Variants in ADCY8 observed in about 807,000 individuals in gnomAD.
ADCY8 encodes adenylate cyclase 8.
In ADCY8, 51 loss-of-function variants were observed where a neutral mutation model predicts 119.7. The observed-to-expected ratio is 0.43, with a 90% CI of 0.34 to 0.54. The LOEUF is 0.54. Ranked by LOEUF, ADCY8 falls within the 20% of genes least tolerant of loss-of-function variation. The pLI is 0.03. For synonymous variants in ADCY8, 665 were observed against 651.0 expected (o/e 1.02, Z -0.33); for missense variants, 1,383 against 1,598.8 (o/e 0.87, Z 2.30).
chr8:130,902,806 T>C (rs992128569), intron 7 of ADCY8, among the ~76,000 whole-genome samples: 4 of 152,074 alleles, frequency 2.6e-5, no homozygotes, highest in Non-Finnish European at 5.9e-5. Flanking sequence ...TCTCAGCTTC[T>C]GCTTGGTCGA....
At chr8:131,014,067 T>G (rs1823393462) in intron 1 of ADCY8, among the ~76,000 whole-genome samples, 1 of 152,196 alleles carries the variant, frequency 6.6e-6, no homozygotes, top group South Asian at 2.1e-4. Context: ...CTGTATTATT[T>G]TACAAGCTGA....
intron 2 of ADCY8, 75 bp from the exon 3 acceptor site, chr8:130,952,073 G>C (rs1330638710): frequency 9.0e-6 from 14 of 1,557,818 alleles, no homozygotes; most frequent in Non-Finnish European, 1.2e-5. Context: ...GGGTGGAGAA[G>C]TCATGGGGCT....
intron 1 of ADCY8, among the ~76,000 whole-genome samples, chr8:131,003,206 T>TCTCTCACA (rs372048150): frequency 6.0e-4 from 82 of 137,486 alleles, no homozygotes; most frequent in Non-Finnish European, 9.7e-4. Context: ...TGAAACACCA[T>TCTCTCACA]CACACACACA....
chr8:130,833,573 C>A (rs917658075), intron 12 of ADCY8, among the ~76,000 whole-genome samples: 2 of 152,086 alleles, frequency 1.3e-5, no homozygotes, highest in African/African-American at 4.8e-5. Context: ...CATGGATGAA[C>A]CTGGATGACA....
chr8:130,885,223 A>ATT, intron 7 of ADCY8, among the ~76,000 whole-genome samples: 1 of 149,528 alleles, frequency 6.7e-6, no homozygotes, highest in African/African-American at 2.5e-5. Flanking sequence ...TATGGCTTGC[A>ATT]TTTTTTTTTT....
At chr8:130,976,075 C>G (rs980641259) in intron 2 of ADCY8, among the ~76,000 whole-genome samples, 1 of 152,144 alleles carries the variant, frequency 6.6e-6, no homozygotes, top group Non-Finnish European at 1.5e-5. Context: ...TGGAAAAGAC[C>G]TTTACATTGT....
chr8:130,823,808 A>G (rs1816591014), intron 12 of ADCY8, among the ~76,000 whole-genome samples: 2 of 152,186 alleles, frequency 1.3e-5, no homozygotes, highest in African/African-American at 4.8e-5. Flanking sequence ...AGTTAACTAA[A>G]TGTCATTTCC....
intron 7 of ADCY8, among the ~76,000 whole-genome samples, chr8:130,897,040 C>T (rs1819416328): frequency 6.6e-6 from 1 of 152,238 alleles, no homozygotes; most frequent in African/African-American, 2.4e-5. Context: ...CCCAAGGTCT[C>T]TTAGTAGCAA....
At chr8:130,924,260 G>A (rs1820396844) in intron 5 of ADCY8, among the ~76,000 whole-genome samples, 1 of 152,202 alleles carries the variant, frequency 6.6e-6, no homozygotes, top group Non-Finnish European at 1.5e-5. Context: ...CATACCCTGA[G>A]GGTGACCCTA....
intron 15 of ADCY8, among the ~76,000 whole-genome samples, chr8:130,786,790 G>T (rs1421847948): frequency 1.3e-5 from 2 of 152,156 alleles, no homozygotes; most frequent in Admixed American, 1.3e-4. Flanking sequence ...GAGGAGATCA[G>T]GCCATTTTGA....
intron 1 of ADCY8, among the ~76,000 whole-genome samples, chr8:130,995,822 T>G: frequency 6.6e-6 from 1 of 152,168 alleles, no homozygotes; most frequent in East Asian, 1.9e-4. Flanking sequence ...AATTATATAT[T>G]ATTTGCTTGC....
intron 12 of ADCY8, among the ~76,000 whole-genome samples, chr8:130,821,953 C>T (rs932119169): frequency 6.6e-6 from 1 of 152,022 alleles, no homozygotes; most frequent in Non-Finnish European, 1.5e-5. Context: ...CTGTGAATAC[C>T]TTGGAGAAAA....
intron 1 of ADCY8, among the ~76,000 whole-genome samples, chr8:131,010,131 C>T (rs1175145497): frequency 2.6e-4 from 39 of 152,174 alleles, no homozygotes; most frequent in Admixed American, 2.6e-3. Flanking sequence ...GTATGGATTC[C>T]AAAATCCATT....
chr8:130,927,354 A>G (rs554710925), intron 5 of ADCY8, among the ~76,000 whole-genome samples: 4 of 152,212 alleles, frequency 2.6e-5, no homozygotes, highest in East Asian at 3.9e-4. Flanking sequence ...GTGATGTTTA[A>G]CTTTTTAAAA....
Position 131,025,353 on chromosome 8 carries a change from T to G in ADCY8, c.960+14021A>C, listed in dbSNP as rs1823789992. Reference sequence around the variant, plus strand: ...TCTAGAGGGCAGCTTTGGAATCAGATAGCTGTGGATGAAATCTCGTATTCA... The same window carrying G: ...TCTAGAGGGCAGCTTTGGAATCAGAGAGCTGTGGATGAAATCTCGTATTCA... On this transcript the variant is annotated intron_variant, in intron 1 of 17. Coordinates refer to ENST00000286355, the MANE Select transcript of ADCY8 (RefSeq NM_001115.3). Among the ~76,000 whole-genome samples the G allele has an allele frequency of 2.0e-5, 3 of 152,290 alleles. No individual in the cohort carries two copies. The South Asian group carries it at 6.2e-4, about 32-fold the overall frequency.
chr8:130,978,445 T>C (rs1822139252), intron 2 of ADCY8, among the ~76,000 whole-genome samples: 1 of 152,192 alleles, frequency 6.6e-6, no homozygotes, highest in African/African-American at 2.4e-5. Flanking sequence ...AAATGATTCT[T>C]CAATATCTGT....
At chr8:130,797,024 T>C (rs151222979) in intron 15 of ADCY8, among the ~76,000 whole-genome samples, 1 of 152,316 alleles carries the variant, frequency 6.6e-6, no homozygotes, top group East Asian at 1.9e-4. Flanking sequence ...GTGTCAACAA[T>C]TTGGTTCACT....
intron 7 of ADCY8, 116 bp downstream of exon 7, chr8:130,903,656 A>G (rs1819680710): frequency 8.6e-7 from 1 of 1,161,006 alleles, no homozygotes; most frequent in South Asian, 1.5e-5. Flanking sequence ...ATTTGCAATT[A>G]TGGTGTTCAT....
chr8:130,988,259 A>G (rs1376183115), intron 2 of ADCY8, among the ~76,000 whole-genome samples: 3 of 152,252 alleles, frequency 2.0e-5, no homozygotes, highest in Non-Finnish European at 4.4e-5. Flanking sequence ...AAGTAACTTT[A>G]GCACTGATGA....
Sources: gnomAD v4.1 joint callset for allele counts (sites outside exome capture counted in the v4.1 genomes callset) on GRCh38, gnomAD v4.1.1 for gene constraint, MANE v1.5 for transcripts, NCBI Gene and HGNC (gene_info 2026-07-23, HGNC 2026-07-21) for gene names.